The following IVNS1ABP variants were observed in gnomAD, a reference collection of about 807,000 sequenced individuals.
IVNS1ABP encodes the protein influenza virus NS1A binding protein.
A neutral mutation model predicts 78.9 loss-of-function variants in IVNS1ABP; 25 were observed. The ratio of observed to expected loss-of-function variants is 0.32; its 90% CI spans 0.23 to 0.44. The LOEUF is 0.44. IVNS1ABP is among the 20% of genes least tolerant of loss of function. The pLI, the probability that IVNS1ABP is intolerant of heterozygous loss-of-function variation, is 1.00. For missense variants in IVNS1ABP, 494 were observed against 768.9 expected (o/e 0.64, Z 4.23); for synonymous variants, 241 against 259.7 (o/e 0.93, Z 0.69).
intron 1 of IVNS1ABP, among the ~76,000 whole-genome samples, chr1:185,313,504 C>G (rs920267353): frequency 6.6e-6 from 1 of 152,236 alleles, no homozygotes; most frequent in Middle Eastern, 3.4e-3. Flanking sequence ...TGGAGGGGAT[C>G]AGATCAATTC....
intron 1 of IVNS1ABP, among the ~76,000 whole-genome samples, chr1:185,316,412 G>C (rs1415297986): frequency 1.3e-5 from 2 of 152,160 alleles, no homozygotes; most frequent in Non-Finnish European, 2.9e-5. Context: ...CACGGCGATC[G>C]GGGACTCCGT....
intron 1 of IVNS1ABP, 43 bp downstream of exon 1, chr1:185,316,910 G>A: frequency 2.5e-6 from 1 of 397,984 alleles, no homozygotes; most frequent in Non-Finnish European, 4.4e-6. Context: ...TTCTAGCCGC[G>A]CCGTCTCCCT....
intron 8 of IVNS1ABP, among the ~76,000 whole-genome samples, chr1:185,303,579 T>C (rs1665656395): frequency 6.6e-6 from 1 of 152,126 alleles, no homozygotes; most frequent in African/African-American, 2.4e-5. Flanking sequence ...CTAATCTTGC[T>C]AAGCAATCAC....
intron 8 of IVNS1ABP, chr1:185,301,772 A>G (rs1665607135): frequency 2.4e-6 from 1 of 411,900 alleles, no homozygotes; most frequent in Non-Finnish European, 4.3e-6. Context: ...CTACGCCTAC[A>G]CAATTAGCCT....
At position 185,297,737 on chromosome 1, in the gene IVNS1ABP, A is replaced by G. The variant is rs35755428; in HGVS notation, c.*298T>C. On this transcript the variant is annotated 3_prime_UTR_variant, in exon 15 of 15. Transcript: ENST00000367498. ...ATTTAATGTGCAAATTGGCAAAACA[A>G]ATGTGGAGGAGAGGGGACTTCTTGA... is the stretch of plus-strand genomic sequence containing the variant. 2.6e-6 allele frequency: 1 copy of G among 384,828 alleles called. No individual in the cohort carries two copies. Among genetic ancestry groups the G allele is most frequent in the Non-Finnish European group, 4.7e-6 (1 of 213,280 alleles). 23.8% of individuals were successfully genotyped at this position (384,828 alleles called of 1,614,324 possible).
chr1:185,316,221 T>C lies in IVNS1ABP; in HGVS notation c.-247+732A>G, dbSNP rs1046089226. The stretch of plus-strand genomic sequence containing the variant: ...CTCGCGCAGCCAGGCCGGCGCCCAC[T>C]CCGCAGGCTGCGAGGCGAGGCCCCC... On this transcript the variant is annotated intron_variant, in intron 1 of 14. Coordinates refer to ENST00000367498, the MANE Select transcript of IVNS1ABP (RefSeq NM_006469.5). Among the ~76,000 whole-genome samples the C allele has an allele frequency of 5.3e-5, 8 of 152,032 alleles. No homozygotes were observed. In the South Asian group the frequency reaches 1.7e-3, roughly 32 times the overall value.
At chr1:185,314,588 A>G (rs1292216762) in intron 1 of IVNS1ABP, among the ~76,000 whole-genome samples, 1 of 152,198 alleles carries the variant, frequency 6.6e-6, no homozygotes, top group Non-Finnish European at 1.5e-5. Flanking sequence ...CTAAGCATGG[A>G]AAGTAGGTGA....
In IVNS1ABP at chr1:185,298,248, G is replaced by T; in HGVS notation, c.1716C>A (p.Ala572=). 1 of 1,613,436 alleles carries T rather than the reference G, an allele frequency of 6.2e-7. No individual in the cohort carries two copies. Residue 572 remains alanine (A), a synonymous_variant, in exon 15 of 15, where the codon GCC becomes GCA. Coordinates refer to ENST00000367498, the MANE Select transcript of IVNS1ABP (RefSeq NM_006469.5). The surrounding 1 kb of genome is among the most constrained non-coding windows in gnomAD (Gnocchi z 4.1). The part of the protein sequence containing the change: ...FVCGGFDGSH[A]ISCVEMYDPT... ...GATCATACATTTCCACACAACTGAT[G>T]GCATGAGAACCATCAAAGCCACCAC...
intron 8 of IVNS1ABP, 96 bp from the exon 9 acceptor site, chr1:185,301,659 C>T (rs1198672035): frequency 5.9e-6 from 8 of 1,359,034 alleles, no homozygotes; most frequent in African/African-American, 4.3e-5. Flanking sequence ...GTATCCTTCA[C>T]CTATATATGA....
chr1:185,313,354 AAT>A (rs1165777104), intron 1 of IVNS1ABP, among the ~76,000 whole-genome samples: 2 of 152,164 alleles, frequency 1.3e-5, no homozygotes, highest in African/African-American at 2.4e-5. Flanking sequence ...TCATCTCTTT[AAT>A]ATCTACTGAT....
intron 2 of IVNS1ABP, 129 bp downstream of exon 2, chr1:185,310,966 T>C: frequency 4.6e-6 from 1 of 219,132 alleles, no homozygotes; most frequent in Non-Finnish European, 8.9e-6. Flanking sequence ...TATGATGTTT[T>C]TTATACTCAA....
At chr1:185,316,275 G>C (rs2102826837) in intron 1 of IVNS1ABP, among the ~76,000 whole-genome samples, 1 of 152,220 alleles carries the variant, frequency 6.6e-6, no homozygotes, top group East Asian at 1.9e-4. Context: ...CCCCGGATTG[G>C]CCAGCCCCGC....
chr1:185,307,149 G>A lies in IVNS1ABP; in HGVS notation c.532-10C>T, dbSNP rs752385013. The A allele has an allele frequency of 1.2e-6, 2 of 1,612,662 alleles. No individual in the cohort carries two copies. The highest frequency in any genetic ancestry group is 2.2e-5 in the East Asian group (1 of 44,840). On this transcript the variant is annotated splice_polypyrimidine_tract_variant and intron_variant, in intron 6 of 14. Coordinates refer to ENST00000367498, the MANE Select transcript of IVNS1ABP (RefSeq NM_006469.5). Reference sequence around the variant, plus strand: ...CAAGCATTACCTCCAACTAGAATTGGGAAAAACAATGACATGGATCAGTGT... The same window carrying A: ...CAAGCATTACCTCCAACTAGAATTGAGAAAAACAATGACATGGATCAGTGT...
At chr1:185,304,295 G>A (rs1665679987) in intron 8 of IVNS1ABP, among the ~76,000 whole-genome samples, 1 of 152,044 alleles carries the variant, frequency 6.6e-6, no homozygotes, top group Non-Finnish European at 1.5e-5. Context: ...CACTTATTGG[G>A]CACTCAACCT....
chr1:185,314,146 A>C (rs1665954245), intron 1 of IVNS1ABP, among the ~76,000 whole-genome samples: 1 of 152,206 alleles, frequency 6.6e-6, no homozygotes, highest in Admixed American at 6.5e-5. Context: ...AATACAAAGT[A>C]AATCAACACA....
intron 6 of IVNS1ABP, 148 bp from the exon 7 acceptor site, chr1:185,307,287 C>T (rs1297726310): frequency 8.7e-7 from 1 of 1,146,110 alleles, no homozygotes; most frequent in African/African-American, 1.6e-5. Context: ...TTGTAAGGAA[C>T]CAGGAATTTG....
chr1:185,308,522 A>T (rs1665798071), intron 5 of IVNS1ABP, among the ~76,000 whole-genome samples: 1 of 152,180 alleles, frequency 6.6e-6, no homozygotes, highest in Non-Finnish European at 1.5e-5. Context: ...TCTTAAGAAA[A>T]ATATTAATTT....
rs776621658 is a variant in IVNS1ABP at position 185,309,356 on chromosome 1, A to G, written c.111+27T>C. 40 of 1,454,786 alleles carry G rather than the reference A, an allele frequency of 2.7e-5. No homozygotes were observed. The East Asian group carries it at 7.4e-4, about 27-fold the overall frequency. 90.1% of individuals were successfully genotyped at this position (1,454,786 alleles called of 1,614,324 possible). A position where few individuals can be genotyped will look rare whatever the true frequency, so the allele number is the denominator to read the frequency against. On this transcript the variant is annotated intron_variant, in intron 3 of 14. Transcript: ENST00000367498. ...ATGGCTTTTAGTAATAAAAAATTCT[A>G]TAAATTTTGAATTAAGTTTTAAATA...
chr1:185,313,466 T>C (rs1335060420), intron 1 of IVNS1ABP, among the ~76,000 whole-genome samples: 1 of 152,184 alleles, frequency 6.6e-6, no homozygotes, highest in African/African-American at 2.4e-5. Flanking sequence ...TCATACACTA[T>C]ATACCTACTT....
Sources: allele counts gnomAD v4.1 joint callset (sites outside exome capture counted in the v4.1 genomes callset), GRCh38; gene constraint gnomAD v4.1.1; non-coding constraint Gnocchi (gnomAD v3.1); transcripts MANE v1.5; gene names NCBI Gene and HGNC (gene_info 2026-07-23, HGNC 2026-07-21).